The following ATRN variants were observed in gnomAD, a reference collection of about 807,000 sequenced individuals.
ATRN encodes attractin-2.
A neutral mutation model predicts 178.7 loss-of-function variants in ATRN; 54 were observed. The observed-to-expected ratio is 0.30, with a 90% confidence interval of 0.24 to 0.38. ATRN has a LOEUF of 0.38. Among genes scored for constraint, ATRN ranks in the 10% least tolerant of loss-of-function variants. The pLI, the probability that ATRN is intolerant of heterozygous loss-of-function variation, is 1.00. For missense variants in ATRN, 1,443 were observed against 1,815.1 expected (o/e 0.79, Z 3.73); for synonymous variants, 636 against 663.0 (o/e 0.96, Z 0.63).
chr20:3,573,723 C>CAGATCAATGCGGTACA (rs1406869726), intron 12 of ATRN, among the ~76,000 whole-genome samples: 1 of 151,258 alleles, frequency 6.6e-6, no homozygotes. Context: ...TACAGTGAAG[C>CAGATCAATGCGGTACA]GATATATTAA....
chr20:3,489,468 A>G, intron 1 of ATRN: 1 of 946,832 alleles, frequency 1.1e-6, no homozygotes, highest in Non-Finnish European at 1.7e-6. Flanking sequence ...TGGGAGAAAT[A>G]GAAAAAACAG....
chr20:3,593,094 T>G (rs2086474511), intron 19 of ATRN, among the ~76,000 whole-genome samples: 1 of 152,168 alleles, frequency 6.6e-6, no homozygotes. Context: ...CACAGTGAGA[T>G]GTGGCCAAGC....
At chr20:3,579,338 T>C (rs1278364094) in intron 15 of ATRN, among the ~76,000 whole-genome samples, 1 of 151,978 alleles carries the variant, frequency 6.6e-6, no homozygotes, top group Non-Finnish European at 1.5e-5. Flanking sequence ...ATACAAAAAT[T>C]AGCCAGGCAT....
intron 1 of ATRN, chr20:3,490,430 T>G: frequency 2.2e-6 from 2 of 923,910 alleles, no homozygotes; most frequent in South Asian, 2.6e-5. Context: ...ACTCTATCTG[T>G]GTAATCCTGA....
At chr20:3,596,452 T>C in intron 21 of ATRN, 23 bp downstream of exon 21, 1 of 1,600,216 alleles carries the variant, frequency 6.2e-7, no homozygotes, top group Non-Finnish European at 8.6e-7. Context: ...GCAATTCTTA[T>C]TTCTAGAAGC....
chr20:3,479,160 G>C (rs2084581004), intron 1 of ATRN, among the ~76,000 whole-genome samples: 2 of 151,894 alleles, frequency 1.3e-5, no homozygotes, highest in Admixed American at 1.3e-4. Flanking sequence ...CAAAGTGCTG[G>C]GATTACAGGC....
At chr20:3,526,647 A>T (rs943937137) in intron 1 of ATRN, among the ~76,000 whole-genome samples, 1 of 152,186 alleles carries the variant, frequency 6.6e-6, no homozygotes, top group African/African-American at 2.4e-5. Context: ...AAGCAAAAAG[A>T]ACAAAGCTGG....
intron 25 of ATRN, among the ~76,000 whole-genome samples, chr20:3,634,010 T>C (rs2087007413): frequency 6.6e-6 from 1 of 152,240 alleles, no homozygotes. Context: ...CTTAGAATTA[T>C]TTTTCTTATT....
rs757776289 is a variant in ATRN at position 3,490,835 on chromosome 20, A to AT, written c.410+19319dup. 202 of 813,916 alleles carry AT rather than the reference A, an allele frequency of 2.5e-4. 1 individual carries two copies. The highest frequency in any genetic ancestry group is 3.3e-5 in the Non-Finnish European group (15 of 450,998). The allele number at this position is 813,916 out of a possible 1,614,324, so 50.4% of individuals were successfully genotyped here. On this transcript the variant is annotated intron_variant, in intron 1 of 28. Coordinates refer to ENST00000262919, the MANE Select transcript of ATRN (RefSeq NM_139321.3). ...CCTTTCATAATCCATCTTTATCATC[A>AT]TACAGATCCCTCAGGTTCCCACTGA...
At chr20:3,486,356 T>G (rs147231932) in intron 1 of ATRN, among the ~76,000 whole-genome samples, 116 of 151,788 alleles carry the variant, frequency 7.6e-4, no homozygotes, top group African/African-American at 2.8e-3. Flanking sequence ...CAGGTGCCAT[T>G]TTGTTTCCTT....
chr20:3,583,958 G>A lies in ATRN; in HGVS notation c.2825G>A (p.Cys942Tyr). The A allele has an allele frequency of 6.2e-7, 1 of 1,614,238 alleles. No individual in the cohort carries two copies. ...PCALRTACGD[C>Y]TSGSSECMWC... The stretch of plus-strand genomic sequence containing the variant: ...GCCTTGAGGACAGCATGTGGAGATT[G>A]CACCAGCGGCAGCTCTGAGTGCATG... The change falls in exon 17 of 29, where the codon TGC becomes TAC. Residue 942 changes from cysteine to tyrosine, a missense_variant. Physicochemically the swap from Cys to Tyr is radical, Grantham distance 194. This residue lies in a region of ATRN where 212 missense variants were observed against 330.7 expected (regional missense o/e 0.64). Transcript: ENST00000262919.
chr20:3,497,301 G>A (rs1359210362), intron 1 of ATRN, among the ~76,000 whole-genome samples: 4 of 151,344 alleles, frequency 2.6e-5, no homozygotes, highest in Admixed American at 6.6e-5. Flanking sequence ...GGCTGGTACC[G>A]GTTGTTCCTT....
chr20:3,502,359 G>T (rs991491280), intron 1 of ATRN, among the ~76,000 whole-genome samples: 1 of 152,086 alleles, frequency 6.6e-6, no homozygotes, highest in African/African-American at 2.4e-5. Context: ...GACACCCAAA[G>T]GAGAATTCTT....
At chr20:3,628,967 C>T (rs2086968086) in intron 25 of ATRN, 5 of 985,218 alleles carry the variant, frequency 5.1e-6, no homozygotes, top group East Asian at 1.1e-4. Flanking sequence ...ATCTGCAGCA[C>T]GACATGCCCA....
intron 1 of ATRN, among the ~76,000 whole-genome samples, chr20:3,506,469 C>A (rs572562723): frequency 6.6e-6 from 1 of 151,974 alleles, no homozygotes; most frequent in Admixed American, 6.6e-5. Context: ...ACTAAAAATA[C>A]AAAAATTAGC....
intron 6 of ATRN, among the ~76,000 whole-genome samples, chr20:3,554,121 A>G (rs539838764): frequency 2.0e-5 from 3 of 152,090 alleles, no homozygotes; most frequent in Non-Finnish European, 2.9e-5. Context: ...TTTGACTGAC[A>G]TACTTCATGA....
At chr20:3,614,600 G>A (rs2086815633) in intron 24 of ATRN, among the ~76,000 whole-genome samples, 1 of 152,158 alleles carries the variant, frequency 6.6e-6, no homozygotes, top group Non-Finnish European at 1.5e-5. Context: ...TGAAACTTTT[G>A]TTCACTTGGA....
chr20:3,476,483 G>A (rs1025144408), intron 1 of ATRN, among the ~76,000 whole-genome samples: 2 of 152,234 alleles, frequency 1.3e-5, no homozygotes, highest in Admixed American at 6.5e-5. Context: ...CAATAGGAAA[G>A]CTAACATTTT....
chr20:3,552,121 T>C (rs1190305981), intron 6 of ATRN, among the ~76,000 whole-genome samples: 1 of 152,214 alleles, frequency 6.6e-6, no homozygotes, highest in Admixed American at 6.5e-5. Flanking sequence ...ATATTTTTTT[T>C]AATTCCATAT....
Sources: allele counts gnomAD v4.1 joint callset (sites outside exome capture counted in the v4.1 genomes callset), GRCh38; gene constraint gnomAD v4.1.1; regional missense constraint gnomAD v4.1.1; transcripts MANE v1.5; gene names NCBI Gene and HGNC (gene_info 2026-07-23, HGNC 2026-07-21).